The following EFCAB3 variants were observed in gnomAD, a reference collection of about 807,000 sequenced individuals.
EFCAB3 encodes the protein EF-hand calcium binding domain 3, also known as EF-hand calcium-binding domain-containing protein 3.
Under a neutral mutation model 42.2 loss-of-function variants are expected in EFCAB3, and 36 were observed. The ratio of observed to expected loss-of-function variants is 0.85; its 90% confidence interval spans 0.65 to 1.13. EFCAB3 has a LOEUF of 1.13. Ranked by LOEUF, EFCAB3 falls within the 50% of genes most tolerant of loss-of-function variation. The pLI, the probability that EFCAB3 is intolerant of heterozygous loss-of-function variation, is 0.00. For missense variants in EFCAB3, 418 were observed against 505.1 expected, an observed-to-expected ratio of 0.83 and a Z score of 1.65; for synonymous variants, 170 against 172.8, an observed-to-expected ratio of 0.98 and a Z score of 0.13.
intron 3 of EFCAB3, among the ~76,000 whole-genome samples, chr17:62,389,888 G>A (rs186911072): frequency 1.2e-3 from 185 of 152,082 alleles, no homozygotes; most frequent in Non-Finnish European, 5.7e-4. Context: ...CCAGGTTCAC[G>A]CCATTCTCCT....
intron 6 of EFCAB3, among the ~76,000 whole-genome samples, chr17:62,398,446 T>C (rs1387549270): frequency 4.0e-5 from 6 of 148,566 alleles, no homozygotes; most frequent in Non-Finnish European, 5.9e-5. Flanking sequence ...AGAGTGAGAC[T>C]TAGTCTCAAA....
intron 3 of EFCAB3, among the ~76,000 whole-genome samples, chr17:62,387,819 A>T (rs908885445): frequency 2.6e-5 from 4 of 152,246 alleles, no homozygotes; most frequent in Admixed American, 6.5e-5. Flanking sequence ...TATTTATTTA[A>T]TGCCAAAAAT....
chr17:62,390,333 G>C (rs541806064), intron 3 of EFCAB3, among the ~76,000 whole-genome samples: 23 of 152,296 alleles, frequency 1.5e-4, no homozygotes, highest in Non-Finnish European at 3.1e-4. Flanking sequence ...GATTGGCTCT[G>C]GGTAAGAGCA....
intron 5 of EFCAB3, 31 bp from the exon 6 acceptor site, chr17:62,395,037 T>TA: frequency 1.2e-6 from 2 of 1,608,846 alleles, no homozygotes; most frequent in Non-Finnish European, 1.7e-6. Flanking sequence ...AGAAGGTATT[T>TA]AAAAATCTAT....
At chr17:62,389,332 T>C (rs994762466) in intron 3 of EFCAB3, among the ~76,000 whole-genome samples, 1 of 152,118 alleles carries the variant, frequency 6.6e-6, no homozygotes, top group Non-Finnish European at 1.5e-5. Flanking sequence ...TGGAATTGGA[T>C]GGTTTGCAGA....
At chr17:62,396,292 T>A (rs970059368) in intron 6 of EFCAB3, among the ~76,000 whole-genome samples, 3 of 152,164 alleles carry the variant, frequency 2.0e-5, no homozygotes, top group African/African-American at 7.2e-5. Context: ...CGGTGGCTCA[T>A]GCCTGTAATC....
chr17:62,378,435 C>T (rs2070167327), upstream of EFCAB3, among the ~76,000 whole-genome samples: 1 of 152,154 alleles, frequency 6.6e-6, no homozygotes, highest in Admixed American at 6.6e-5. Flanking sequence ...CACTGGCTCA[C>T]ACCTGTAATC....
At chr17:62,384,528 T>A (rs1181929365) in intron 2 of EFCAB3, among the ~76,000 whole-genome samples, 1 of 152,030 alleles carries the variant, frequency 6.6e-6, no homozygotes, top group Admixed American at 6.6e-5. Flanking sequence ...GGTGGGAGGA[T>A]TGCTCGAGCC....
At chr17:62,413,917 A>G (rs1005200515) in intron 9 of EFCAB3, 63 bp downstream of exon 9, 1 of 1,516,132 alleles carries the variant, frequency 6.6e-7, no homozygotes, top group Admixed American at 2.0e-5. Flanking sequence ...CCACTTCAAT[A>G]CTACACCATA....
intron 6 of EFCAB3, among the ~76,000 whole-genome samples, chr17:62,404,631 TAC>T (rs2070433266): frequency 6.6e-6 from 1 of 151,954 alleles, no homozygotes; most frequent in Non-Finnish European, 1.5e-5. Flanking sequence ...ACCCCGTCTC[TAC>T]TAAAAGTACA....
intron 3 of EFCAB3, among the ~76,000 whole-genome samples, 180 bp from the exon 4 acceptor site, chr17:62,391,642 G>A (rs1227603013): frequency 6.6e-6 from 1 of 152,104 alleles, no homozygotes; most frequent in Non-Finnish European, 1.5e-5. Flanking sequence ...GTTCATTCCA[G>A]TTCAAGTTCC....
At chr17:62,390,194 T>G (rs556160426) in intron 3 of EFCAB3, among the ~76,000 whole-genome samples, 4 of 152,282 alleles carry the variant, frequency 2.6e-5, no homozygotes, top group Admixed American at 2.0e-4. Flanking sequence ...ACAGCAAAAG[T>G]TTATACAACA....
At chr17:62,379,523 G>A (rs2070178695), upstream of EFCAB3, among the ~76,000 whole-genome samples, 1 of 151,452 alleles carries the variant, frequency 6.6e-6, no homozygotes, top group Non-Finnish European at 1.5e-5. Flanking sequence ...TTCTTTCCTT[G>A]TGTGTTCCTG....
intron 6 of EFCAB3, among the ~76,000 whole-genome samples, chr17:62,403,138 A>G (rs989635385): frequency 6.6e-6 from 1 of 152,114 alleles, no homozygotes; most frequent in East Asian, 1.9e-4. Context: ...ATACTTCTAT[A>G]GTTCTTCCAC....
At chr17:62,387,283 A>G (rs956076991) in intron 2 of EFCAB3, 57 bp from the exon 3 acceptor site, 1 of 1,356,266 alleles carries the variant, frequency 7.4e-7, no homozygotes, top group Non-Finnish European at 1.0e-6. Context: ...GAGTAAGACT[A>G]ATATCTGCTG....
chr17:62,404,508 A>T (rs1430209193), intron 6 of EFCAB3, among the ~76,000 whole-genome samples: 1 of 151,354 alleles, frequency 6.6e-6, no homozygotes, highest in East Asian at 1.9e-4. Flanking sequence ...AATAACAATA[A>T]ATAACAGGCT....
upstream of EFCAB3, among the ~76,000 whole-genome samples, chr17:62,378,559 G>T (rs1296013497): frequency 1.3e-5 from 2 of 152,094 alleles, no homozygotes; most frequent in Non-Finnish European, 2.9e-5. Context: ...TTAATCAGTT[G>T]TAGTGGCACT....
upstream of EFCAB3, among the ~76,000 whole-genome samples, chr17:62,379,852 T>C (rs1198463928): frequency 2.0e-5 from 3 of 152,214 alleles, no homozygotes; most frequent in African/African-American, 7.2e-5. Flanking sequence ...TTGAAAGCAC[T>C]TTTCCCAATA....
intron 2 of EFCAB3, among the ~76,000 whole-genome samples, chr17:62,384,501 G>T (rs527318576): frequency 6.6e-6 from 1 of 152,130 alleles, no homozygotes; most frequent in Non-Finnish European, 1.5e-5. Flanking sequence ...TGTAGTCCCA[G>T]CTACTCAAGG....
Sources: allele counts gnomAD v4.1 joint callset (sites outside exome capture counted in the v4.1 genomes callset), GRCh38; gene constraint gnomAD v4.1.1; transcripts MANE v1.5; gene names NCBI Gene and HGNC (gene_info 2026-07-23, HGNC 2026-07-21).